Variants in FRMD4A observed in about 807,000 individuals in gnomAD.
FRMD4A encodes FERM domain containing 4A.
A neutral mutation model predicts 129.1 loss-of-function variants in FRMD4A; 29 were observed. The observed-to-expected ratio is 0.22, with a 90% CI of 0.17 to 0.31. The LOEUF (loss-of-function observed/expected upper bound fraction) is 0.31, where lower values mean the gene tolerates loss of function less well. FRMD4A is among the 10% of genes least tolerant of loss of function. The probability of loss-of-function intolerance (pLI) is 1.00; values close to 1 mark genes in which losing one functional copy is unlikely to be tolerated. For synonymous variants in FRMD4A, 634 were observed against 571.6 expected, an observed-to-expected ratio of 1.11 and a Z score of -1.56; for missense variants, 1,272 against 1,375.8, an observed-to-expected ratio of 0.92 and a Z score of 1.19.
At position 14,203,749 on chromosome 10, in the gene FRMD4A, A is replaced by T. The variant is rs184098428; in HGVS notation, c.45+126309T>A. On this transcript the variant is annotated intron_variant, in intron 2 of 24. Transcript: ENST00000357447. Reference sequence around the variant, plus strand: ...CATGTCTGCATCTATTGGGAGGGGAATTATGCTAATGGGAATGCTCTATCC... The same window carrying T: ...CATGTCTGCATCTATTGGGAGGGGATTTATGCTAATGGGAATGCTCTATCC... 3.9e-5 allele frequency among the ~76,000 whole-genome samples: 6 copies of T among 152,302 alleles called. No homozygotes were observed. In the East Asian group the frequency reaches 1.2e-3, roughly 29 times the overall value.
chr10:13,859,250 G>A (rs1306127638), intron 2 of FRMD4A, among the ~76,000 whole-genome samples: 6 of 152,106 alleles, frequency 3.9e-5, no homozygotes, highest in Non-Finnish European at 5.9e-5. Context: ...CGGGCGTGGT[G>A]GTGCATACCT....
intron 2 of FRMD4A, among the ~76,000 whole-genome samples, chr10:13,948,698 C>A (rs1281673212): frequency 7.2e-6 from 1 of 138,658 alleles, no homozygotes; most frequent in East Asian, 2.1e-4. Context: ...GTCACCCAGG[C>A]TGGAGTGCAG....
At chr10:14,124,380 G>A (rs1838710459) in intron 2 of FRMD4A, among the ~76,000 whole-genome samples, 1 of 152,124 alleles carries the variant, frequency 6.6e-6, no homozygotes, top group Non-Finnish European at 1.5e-5. Flanking sequence ...CTGAAGCTCA[G>A]ACGAATTTAA....
At chr10:13,830,555 T>G (rs1231061550) in intron 3 of FRMD4A, among the ~76,000 whole-genome samples, 5 of 152,186 alleles carry the variant, frequency 3.3e-5, no homozygotes, top group African/African-American at 1.2e-4. Context: ...ATAGCCCACT[T>G]CCAGTGGCTC....
chr10:14,307,388 A>G (rs930226989), intron 2 of FRMD4A, among the ~76,000 whole-genome samples: 14 of 152,242 alleles, frequency 9.2e-5, no homozygotes, highest in African/African-American at 3.4e-4. Context: ...GGATGAGCGC[A>G]TGACAGATCT....
rs1229247015 is a variant in FRMD4A at position 14,111,303 on chromosome 10, AC to A, written c.45+218754del. Reference sequence around the variant, plus strand: ...CCTCCAGGTGCACAGGCAATATTCTACCCTCGATTTATTTATTCTGCTTTTT... The same window carrying A: ...CCTCCAGGTGCACAGGCAATATTCTACCTCGATTTATTTATTCTGCTTTTT... On this transcript the variant is annotated intron_variant, in intron 2 of 24. Transcript: ENST00000357447. Among the ~76,000 whole-genome samples, 3 of 152,074 alleles carry A rather than the reference AC, an allele frequency of 2.0e-5. No individual in the cohort carries two copies. In the East Asian group the frequency reaches 5.8e-4, roughly 29 times the overall value.
At position 13,707,213 on chromosome 10, in the gene FRMD4A, A is replaced by T. The variant is rs2134904336; in HGVS notation, c.760-100T>A. 8.1e-6 allele frequency: 7 copies of T among 863,578 alleles called. No homozygotes were observed. In the East Asian group the frequency reaches 1.8e-4, roughly 23 times the overall value. The allele number at this position is 863,578 out of a possible 1,614,324, so 53.5% of individuals were successfully genotyped here. ...ACTTTCGACAGCTGGCAGTTTCCTT[A>T]TCAAAACAGAGACCGTAGTCTGTGC... On this transcript the variant is annotated intron_variant, in intron 12 of 24. Coordinates refer to ENST00000357447, the MANE Select transcript of FRMD4A (RefSeq NM_018027.5).
chr10:14,155,218 C>T (rs1297460959), intron 2 of FRMD4A, among the ~76,000 whole-genome samples: 1 of 152,126 alleles, frequency 6.6e-6, no homozygotes, highest in Non-Finnish European at 1.5e-5. Flanking sequence ...TCACTTGAGC[C>T]CAGGAGTTGG....
At chr10:13,848,869 T>C (rs2094098704) in intron 3 of FRMD4A, among the ~76,000 whole-genome samples, 1 of 152,064 alleles carries the variant, frequency 6.6e-6, no homozygotes, top group South Asian at 2.1e-4. Context: ...TCCCCAAGAG[T>C]ATGTTTTATG....
chr10:14,296,006 T>C (rs1235335581), intron 2 of FRMD4A, among the ~76,000 whole-genome samples: 1 of 152,124 alleles, frequency 6.6e-6, no homozygotes, highest in African/African-American at 2.4e-5. Flanking sequence ...TTCCTATGAC[T>C]GTTTCTATTT....
chr10:13,647,449 G>A (rs1460234725), intron 24 of FRMD4A: 1 of 152,100 alleles, frequency 6.6e-6, no homozygotes, highest in Admixed American at 6.6e-5. Context: ...AGAACCTCTG[G>A]GCTTTCCTCA....
At chr10:14,120,034 G>A (rs916805055) in intron 2 of FRMD4A, among the ~76,000 whole-genome samples, 15 of 149,678 alleles carry the variant, frequency 1.0e-4, no homozygotes, top group Non-Finnish European at 2.1e-4. Flanking sequence ...CTAGGCATGA[G>A]GATGACAGGT....
At chr10:14,131,166 T>C (rs188862985) in intron 2 of FRMD4A, among the ~76,000 whole-genome samples, 1 of 152,192 alleles carries the variant, frequency 6.6e-6, no homozygotes, top group Non-Finnish European at 1.5e-5. Context: ...CCCCAAATTA[T>C]ACTTTTGCTA....
At chr10:14,208,578 A>G (rs370233417) in intron 2 of FRMD4A, among the ~76,000 whole-genome samples, 81 of 151,668 alleles carry the variant, frequency 5.3e-4, no homozygotes, top group African/African-American at 1.7e-3. Context: ...AAGGAAGGCC[A>G]CTCACTCCCC....
At chr10:13,659,809 T>C (rs1287803898) in intron 20 of FRMD4A, among the ~76,000 whole-genome samples, 1 of 151,620 alleles carries the variant, frequency 6.6e-6, no homozygotes, top group Non-Finnish European at 1.5e-5. Flanking sequence ...TGGAGCTTGG[T>C]AGGGTGATTA....
intron 2 of FRMD4A, among the ~76,000 whole-genome samples, chr10:14,002,588 C>T (rs1193729294): frequency 6.6e-6 from 1 of 152,138 alleles, no homozygotes; most frequent in Non-Finnish European, 1.5e-5. Context: ...TTATTGCACT[C>T]CTGTTATGAA....
At chr10:14,205,001 T>A (rs1422249822) in intron 2 of FRMD4A, among the ~76,000 whole-genome samples, 9 of 151,936 alleles carry the variant, frequency 5.9e-5, no homozygotes, top group Non-Finnish European at 1.3e-4. Flanking sequence ...ACCCCACGTG[T>A]CTCTGCCTTA....
At chr10:13,860,699 A>G (rs944864962) in intron 2 of FRMD4A, among the ~76,000 whole-genome samples, 2 of 152,238 alleles carry the variant, frequency 1.3e-5, no homozygotes, top group Non-Finnish European at 2.9e-5. Flanking sequence ...TCAAGGAAAG[A>G]TAAAAAAGAC....
chr10:13,755,715 G>C (rs1461631311), intron 8 of FRMD4A, among the ~76,000 whole-genome samples: 1 of 152,194 alleles, frequency 6.6e-6, no homozygotes, highest in Non-Finnish European at 1.5e-5. Flanking sequence ...AACAGAATTA[G>C]TAACTTGCAG....
Sources: allele counts gnomAD v4.1 joint callset (sites outside exome capture counted in the v4.1 genomes callset), GRCh38; gene constraint gnomAD v4.1.1; transcripts MANE v1.5; gene names NCBI Gene and HGNC (gene_info 2026-07-23, HGNC 2026-07-21).